LRRC37A2: variants seen among roughly 807,000 people sequenced by gnomAD.
The protein encoded by LRRC37A2 is leucine-rich repeat-containing protein 37A2.
A neutral mutation model predicts 68.8 loss-of-function variants in LRRC37A2; 9 were observed. The observed-to-expected ratio is 0.13, with a 90% CI of 0.08 to 0.23. The LOEUF (loss-of-function observed/expected upper bound fraction) is 0.23. Ranked by LOEUF, LRRC37A2 falls within the 10% of genes least tolerant of loss-of-function variation. The pLI, the probability that LRRC37A2 is intolerant of heterozygous loss-of-function variation, is 1.00. For missense variants in LRRC37A2, 168 were observed against 950.4 expected (o/e 0.18, Z 10.82); for synonymous variants, 63 against 367.6 (o/e 0.17, Z 9.48).
At chr17:46,772,995 C>T in the LRRC37A2 span, among the ~76,000 whole-genome samples, 1 of 152,146 alleles carries the variant, frequency 6.6e-6, no homozygotes, top group African/African-American at 2.4e-5. Flanking sequence ...AGTCCATGAG[C>T]CCCCAAGTCC....
chr17:46,749,936 G>C, the LRRC37A2 span: 1 of 1,603,076 alleles, frequency 6.2e-7, no homozygotes, highest in South Asian at 1.1e-5. Context: ...ATTGCACACT[G>C]TTTATAAGAA....
At chr17:46,903,866 G>C in the LRRC37A2 span, among the ~76,000 whole-genome samples, 1 of 151,574 alleles carries the variant, frequency 6.6e-6, no homozygotes, top group African/African-American at 2.4e-5. Flanking sequence ...GTGGATGTAG[G>C]GATGAGTGGG....
the LRRC37A2 span, among the ~76,000 whole-genome samples, chr17:46,846,439 T>A: frequency 6.6e-6 from 1 of 152,250 alleles, no homozygotes; most frequent in South Asian, 2.1e-4. Flanking sequence ...GTCTGCAGTC[T>A]ACACATAGCA....
At chr17:46,779,565 C>T in the LRRC37A2 span, among the ~76,000 whole-genome samples, 50 of 152,286 alleles carry the variant, frequency 3.3e-4, no homozygotes, top group Non-Finnish European at 6.2e-4. Flanking sequence ...CCCTGCACAA[C>T]AGGCTGCTTG....
chr17:47,028,738 TC>T, the LRRC37A2 span, among the ~76,000 whole-genome samples: 3 of 151,696 alleles, frequency 2.0e-5, no homozygotes, highest in Non-Finnish European at 2.9e-5. Context: ...TGAAACCCTG[TC>T]CCTACTATAA....
the LRRC37A2 span, among the ~76,000 whole-genome samples, chr17:46,859,552 A>C: frequency 1.3e-5 from 2 of 152,218 alleles, no homozygotes; most frequent in South Asian, 4.1e-4. Context: ...GCTTTAAAAA[A>C]AATTTTTCCC....
At chr17:46,907,991 C>T in the LRRC37A2 span, among the ~76,000 whole-genome samples, 26 of 152,258 alleles carry the variant, frequency 1.7e-4, no homozygotes, top group Non-Finnish European at 3.2e-4. Context: ...AGTCTCGGCA[C>T]TGTGGGAGAG....
chr17:46,954,973 A>G, the LRRC37A2 span, among the ~76,000 whole-genome samples: 85 of 152,306 alleles, frequency 5.6e-4, 1 homozygote, highest in East Asian at 0.015. Context: ...AACAGGGACA[A>G]TTTGACTTCC....
the LRRC37A2 span, among the ~76,000 whole-genome samples, chr17:46,822,866 C>A: frequency 6.6e-6 from 1 of 151,726 alleles, no homozygotes; most frequent in Non-Finnish European, 1.5e-5. Flanking sequence ...CAGCGGCAGG[C>A]GGATGTCACC....
chr17:47,019,800 T>G, the LRRC37A2 span: 1 of 1,241,636 alleles, frequency 8.1e-7, no homozygotes, highest in Non-Finnish European at 1.2e-6. Context: ...TTCACCATCT[T>G]GTAAGAATCA....
the LRRC37A2 span, among the ~76,000 whole-genome samples, chr17:46,568,512 AG>A: frequency 1.8e-5 from 2 of 110,772 alleles, no homozygotes; most frequent in Non-Finnish European, 1.8e-5. Context: ...AAAAAAAAAA[AG>A]AGGGGGGGAG....
At chr17:46,979,527 C>A in the LRRC37A2 span, among the ~76,000 whole-genome samples, 4 of 152,192 alleles carry the variant, frequency 2.6e-5, no homozygotes, top group Non-Finnish European at 5.9e-5. Context: ...ATACCCTTAG[C>A]AGTGAAGTTA....
chr17:46,871,069 C>T, the LRRC37A2 span, among the ~76,000 whole-genome samples: 2 of 152,094 alleles, frequency 1.3e-5, no homozygotes, highest in Admixed American at 1.3e-4. Flanking sequence ...TGCCACCATG[C>T]CCACATAATT....
chr17:46,595,457 A>G, the LRRC37A2 span, among the ~76,000 whole-genome samples: 1 of 95,338 alleles, frequency 1.0e-5, no homozygotes, highest in Admixed American at 1.2e-4. Context: ...CTACTCAGCT[A>G]TCAAACATTG....
chr17:46,755,896 C>A, the LRRC37A2 span: 1 of 1,453,352 alleles, frequency 6.9e-7, no homozygotes, highest in Non-Finnish European at 9.6e-7. Flanking sequence ...TCTTCACTGT[C>A]TTACTCAAGA....
chr17:46,833,046 C>T, the LRRC37A2 span: 1 of 327,296 alleles, frequency 3.1e-6, no homozygotes, highest in Non-Finnish European at 6.0e-6. Flanking sequence ...CCCTGCAGCG[C>T]AGTGACTGCT....
chr17:47,026,964 G>A, the LRRC37A2 span, among the ~76,000 whole-genome samples: 13 of 152,168 alleles, frequency 8.5e-5, no homozygotes, highest in Non-Finnish European at 1.9e-4. Flanking sequence ...AGGCTGGAGT[G>A]CAGTGGTGCA....
the LRRC37A2 span, chr17:46,773,598 T>C: frequency 6.8e-7 from 1 of 1,466,226 alleles, no homozygotes; most frequent in Middle Eastern, 2.5e-4. Flanking sequence ...CTGACTGGGG[T>C]GGAAGGGCAT....
the LRRC37A2 span, among the ~76,000 whole-genome samples, chr17:46,754,886 A>G: frequency 6.6e-6 from 1 of 152,200 alleles, no homozygotes; most frequent in African/African-American, 2.4e-5. Context: ...TTAATAAGCT[A>G]TTTTTTAGTT....
Sources: gnomAD v4.1 joint callset for allele counts (sites outside exome capture counted in the v4.1 genomes callset) on GRCh38, gnomAD v4.1.1 for gene constraint, MANE v1.5 for transcripts, NCBI Gene and HGNC (gene_info 2026-07-23, HGNC 2026-07-21) for gene names.